The following GAS6 variants were observed in gnomAD, a reference collection of about 807,000 sequenced individuals.
GAS6 encodes growth arrest specific 6.
A neutral mutation model predicts 75.8 loss-of-function variants in GAS6; 41 were observed. The ratio of observed to expected loss-of-function variants is 0.54; its 90% CI spans 0.42 to 0.70. The LOEUF (loss-of-function observed/expected upper bound fraction) is 0.70. Ranked by LOEUF, GAS6 falls within the 30% of genes least tolerant of loss-of-function variation. The pLI is 0.00. For missense variants in GAS6, 854 were observed against 940.2 expected, an observed-to-expected ratio of 0.91 and a Z score of 1.20; for synonymous variants, 432 against 412.6, an observed-to-expected ratio of 1.05 and a Z score of -0.57.
At chr13:113,849,090 C>A (rs1420645826) in intron 2 of GAS6, among the ~76,000 whole-genome samples, 1 of 152,180 alleles carries the variant, frequency 6.6e-6, no homozygotes, top group East Asian at 1.9e-4. Context: ...TGGGAAGAGC[C>A]TGGAGGCCCC....
In GAS6 at chr13:113,834,595, CG is replaced by C. The variant is rs768866553; in HGVS notation, c.789del (p.Asp263GlufsTer30). 2.5e-6 allele frequency: 4 copies of C among 1,608,314 alleles called. No homozygotes were observed. Among genetic ancestry groups the C allele is most frequent in the Non-Finnish European group, 3.4e-6 (4 of 1,178,024 alleles). On this transcript the variant is annotated frameshift_variant, in exon 8 of 15. Transcript: ENST00000327773. ...TGGGACAGCTTGAGGCCCCCACGCC[CG>C]TCACAGTGGCAGGTGTAGCTCCCTG... ...NSPGSYTCHCDGRGGLKLSQD... is the reference protein window; with the variant it reads ...NSPGSYTCHCXGRGGLKLSQD...
At chr13:113,833,082 C>T in intron 8 of GAS6, 1 of 1,222,786 alleles carries the variant, frequency 8.2e-7, no homozygotes, top group Non-Finnish European at 1.0e-6. Flanking sequence ...AAAGTATACA[C>T]TATTATGAAA....
At chr13:113,839,282 A>C (rs1438674213) in intron 5 of GAS6, 1 of 165,612 alleles carries the variant, frequency 6.0e-6, no homozygotes, top group Non-Finnish European at 1.3e-5. Flanking sequence ...GTCTTCACTG[A>C]CACCACAGGT....
chr13:113,829,934 C>T (rs1346073701), intron 10 of GAS6, among the ~76,000 whole-genome samples: 2 of 151,802 alleles, frequency 1.3e-5, no homozygotes. Flanking sequence ...GGGAGACCAC[C>T]TGATCCTCAC....
intron 12 of GAS6, among the ~76,000 whole-genome samples, chr13:113,824,573 G>T (rs1217275558): frequency 4.6e-5 from 7 of 152,206 alleles, no homozygotes; most frequent in African/African-American, 1.4e-4. Flanking sequence ...GAATTCCAAA[G>T]TCCTGATAAA....
rs1160159397 is a variant in GAS6 at position 113,828,571 on chromosome 13, G to T, written c.1284C>A (p.Phe428Leu). ...HLNLTVGGIPFHEKDLVQPIN... is the reference protein window; with the variant it reads ...HLNLTVGGIPLHEKDLVQPIN... The stretch of plus-strand genomic sequence containing the variant: ...CAGGCTGCACGAGGTCCTTCTCATG[G>T]AAGGGAATACCTCCCACGGTCAGGT... The change falls in exon 11 of 15, where the codon TTC becomes TTA. Residue 428 changes from phenylalanine to leucine, a missense_variant. Physicochemically the swap from Phe to Leu is conservative, Grantham distance 22. Coordinates refer to ENST00000327773, the MANE Select transcript of GAS6 (RefSeq NM_000820.4). The T allele has an allele frequency of 3.1e-6, 5 of 1,613,336 alleles. No individual in the cohort carries two copies. Among genetic ancestry groups the T allele is most frequent in the Middle Eastern group, 1.6e-4 (1 of 6,082 alleles).
At position 113,863,354 on chromosome 13, in the gene GAS6, G is replaced by A. The variant is rs1191490001; in HGVS notation, c.255+221C>T. ...CGCGGGGAGGCGTCTGACAGCGAGC[G>A]TTTCCCGGACAGCCCCGCAGCGTCT... On this transcript the variant is annotated intron_variant, in intron 2 of 14. Coordinates refer to ENST00000327773, the MANE Select transcript of GAS6 (RefSeq NM_000820.4). This position sits in a 1 kb window ranked among gnomAD's most constrained non-coding sequence, Gnocchi z 9.4. Among the ~76,000 whole-genome samples the A allele has an allele frequency of 6.6e-6, 1 of 152,150 alleles. No homozygotes were observed. Among genetic ancestry groups the A allele is most frequent in the Non-Finnish European group, 1.5e-5 (1 of 68,010 alleles).
In GAS6 at chr13:113,821,169, C is replaced by T. The variant is rs556793171; in HGVS notation, c.1883-151G>A. 2.1e-5 allele frequency: 17 copies of T among 794,676 alleles called. No individual in the cohort carries two copies. The East Asian group carries it at 3.5e-4, about 16-fold the overall frequency. The allele number at this position is 794,676 out of a possible 1,614,324, so 49.2% of individuals were successfully genotyped here. A position where few individuals can be genotyped will look rare whatever the true frequency, so the allele number is the denominator to read the frequency against. ...CTTCTCTAACTTCTCGGTCCCCGTT[C>T]GTTTGGCCGCAGACCCGGCAGACAA... On this transcript the variant is annotated intron_variant, in intron 14 of 14. Transcript: ENST00000327773.
intron 13 of GAS6, chr13:113,822,449 G>A (rs2051473865): frequency 5.1e-6 from 2 of 389,572 alleles, no homozygotes; most frequent in Non-Finnish European, 9.2e-6. Context: ...TTGGGTGTGA[G>A]AGGGTCAACC....
chr13:113,828,141 G>A (rs561957282), intron 11 of GAS6, among the ~76,000 whole-genome samples: 3 of 152,234 alleles, frequency 2.0e-5, no homozygotes, highest in Admixed American at 6.5e-5. Context: ...GCGGGCGCCT[G>A]TAGTCCCAGC....
At chr13:113,827,814 T>C (rs9604497) in intron 11 of GAS6, among the ~76,000 whole-genome samples, 16,041 of 152,080 alleles carry the variant, frequency 0.11, 1,050 homozygotes, top group South Asian at 0.3. Flanking sequence ...GAGACACAGG[T>C]CGGGGGCACG....
At chr13:113,821,375 T>C (rs2051455656) in intron 14 of GAS6, 1 of 253,718 alleles carries the variant, frequency 3.9e-6, no homozygotes, top group African/African-American at 2.2e-5. Context: ...CTAAGTGGAG[T>C]CTGTGTCTGG....
intron 12 of GAS6, among the ~76,000 whole-genome samples, chr13:113,825,795 A>G (rs900101230): frequency 3.3e-5 from 5 of 150,610 alleles, no homozygotes; most frequent in African/African-American, 1.0e-4. Context: ...GCCTTTCCTG[A>G]CACGGTCACG....
At chr13:113,853,297 G>T (rs1035378164) in intron 2 of GAS6, among the ~76,000 whole-genome samples, 2 of 152,176 alleles carry the variant, frequency 1.3e-5, no homozygotes, top group Non-Finnish European at 2.9e-5. Context: ...TCCCAGCAAG[G>T]TCTCTGCCTG....
At chr13:113,841,182 G>A (rs7337339) in intron 4 of GAS6, 39,550 of 152,246 alleles carry the variant, frequency 0.26, 5,296 homozygotes, top group South Asian at 0.38. Flanking sequence ...AGGGGTGCCC[G>A]GTGCCAGGGT....
At chr13:113,836,723 G>T (rs1401212939) in intron 6 of GAS6, among the ~76,000 whole-genome samples, 3 of 12,384 alleles carry the variant, frequency 2.4e-4, no homozygotes, top group Admixed American at 1.2e-3. Context: ...AGGAAGAAGA[G>T]GGGAATGAGG....
In GAS6 at chr13:113,837,019, G is replaced by A. The variant is rs182646411; in HGVS notation, c.589+1050C>T. Reference sequence around the variant, plus strand: ...ACTTTGCCGGGAGTGCCCGACTGGTGCAGGGACCCACGGGAGATGCTTTAG... The same window carrying A: ...ACTTTGCCGGGAGTGCCCGACTGGTACAGGGACCCACGGGAGATGCTTTAG... On this transcript the variant is annotated intron_variant, in intron 6 of 14. Transcript: ENST00000327773. The surrounding 1 kb of genome is among the most constrained non-coding windows in gnomAD (Gnocchi z 5.1). 1.1e-4 allele frequency among the ~76,000 whole-genome samples: 16 copies of A among 151,848 alleles called. 1 individual carries two copies. The East Asian group carries it at 2.9e-3, about 28-fold the overall frequency.
rs759006310 is a variant in GAS6, at chr13:113,835,654, C to T, written c.590-19G>A. On this transcript the variant is annotated intron_variant, in intron 6 of 14. Coordinates refer to ENST00000327773, the MANE Select transcript of GAS6 (RefSeq NM_000820.4). The stretch of plus-strand genomic sequence containing the variant: ...TCTATGTCTGCAAGCAAAAAAAAAC[C>T]GGCCAACCGCAGCACAGCGGCATCT... 6 of 1,609,158 alleles carry T rather than the reference C, an allele frequency of 3.7e-6. No homozygotes were observed. In the South Asian group the frequency reaches 4.4e-5, roughly 12 times the overall value.
chr13:113,835,783 C>T, intron 6 of GAS6, 148 bp from the exon 7 acceptor site: 2 of 1,458,368 alleles, frequency 1.4e-6, no homozygotes, highest in Non-Finnish European at 1.8e-6. Context: ...ATTTCCCTGC[C>T]CTCCTCCCCT....
Sources: gnomAD v4.1 joint callset for allele counts (sites outside exome capture counted in the v4.1 genomes callset) on GRCh38, gnomAD v4.1.1 for gene constraint, Gnocchi (gnomAD v3.1) non-coding constraint, MANE v1.5 for transcripts, NCBI Gene and HGNC (gene_info 2026-07-23, HGNC 2026-07-21) for gene names.